PLD1: variants seen among roughly 807,000 people sequenced by gnomAD.
PLD1 encodes the protein choline phosphatase 1.
In PLD1, 112 loss-of-function variants were observed where a neutral mutation model predicts 137.1. That is an observed-to-expected ratio of 0.82 (90% CI 0.70 to 0.96). The LOEUF is 0.96. PLD1 is among the 40% of genes least tolerant of loss of function. The pLI is 0.00. For missense variants in PLD1, 1,321 were observed against 1,342.0 expected (o/e 0.98, Z 0.24); for synonymous variants, 431 against 454.7 (o/e 0.95, Z 0.66).
In PLD1 at chr3:171,692,373, AT is replaced by A; in HGVS notation, c.1296del (p.Glu432AspfsTer7). ...AGACGCATCAAAGTCCTCTTGGTGT[AT>A]TCACTATTGATGCCAAGAGCGAGTT... ...EVELALGINS[E>X]YTKRTLMRLH... On this transcript the variant is annotated frameshift_variant, in exon 13 of 27. Coordinates refer to ENST00000351298, the MANE Select transcript of PLD1 (RefSeq NM_002662.5). LOFTEE classifies it high-confidence loss of function. 1 of 1,594,674 alleles carries A rather than the reference AT, an allele frequency of 6.3e-7. No individual in the cohort carries two copies. Among genetic ancestry groups the A allele is most frequent in the Admixed American group, 1.7e-5 (1 of 60,014 alleles).
intron 9 of PLD1, among the ~76,000 whole-genome samples, chr3:171,711,798 C>G: frequency 7.8e-6 from 1 of 128,722 alleles, no homozygotes; most frequent in African/African-American, 3.2e-5. Flanking sequence ...ATCCTAAACT[C>G]TTACAGAGTT....
intron 1 of PLD1, among the ~76,000 whole-genome samples, chr3:171,771,552 C>T (rs1357065797): frequency 6.6e-6 from 1 of 152,230 alleles, no homozygotes; most frequent in Non-Finnish European, 1.5e-5. Flanking sequence ...AAAACCATAA[C>T]ACAAACTTAA....
chr3:171,809,918 G>C (rs1274975600), intron 1 of PLD1: 1 of 152,282 alleles, frequency 6.6e-6, no homozygotes, highest in Admixed American at 6.5e-5. Context: ...CGTGCTCTGC[G>C]GGCTGGGCTC....
chr3:171,718,523 G>A (rs1717847079), intron 8 of PLD1, among the ~76,000 whole-genome samples: 1 of 152,158 alleles, frequency 6.6e-6, no homozygotes, highest in Non-Finnish European at 1.5e-5. Flanking sequence ...ACAAAAAGAG[G>A]AGACTTCAGG....
At chr3:171,687,633 A>G (rs1213204494) in intron 14 of PLD1, 49 bp from the exon 15 acceptor site, 1 of 1,231,138 alleles carries the variant, frequency 8.1e-7, no homozygotes, top group Non-Finnish European at 1.2e-6. Flanking sequence ...GACATGCTGC[A>G]GTGTGGTTCT....
intron 1 of PLD1, among the ~76,000 whole-genome samples, chr3:171,761,308 T>A (rs2108307749): frequency 6.6e-6 from 1 of 152,210 alleles, no homozygotes; most frequent in East Asian, 1.9e-4. Flanking sequence ...CATCCAACAG[T>A]TAAAAGGCCT....
chr3:171,702,193 GA>G (rs1199864523), intron 11 of PLD1, among the ~76,000 whole-genome samples: 2 of 151,966 alleles, frequency 1.3e-5, no homozygotes, highest in African/African-American at 4.8e-5. Flanking sequence ...AAAAATAAAT[GA>G]CAAAAAAATG....
chr3:171,644,910 C>A lies in PLD1; in HGVS notation c.2543G>T (p.Arg848Ile), dbSNP rs1394972983. 6 of 1,585,184 alleles carry A rather than the reference C, an allele frequency of 3.8e-6. No individual in the cohort carries two copies. Among genetic ancestry groups the A allele is most frequent in the Non-Finnish European group, 8.7e-7 (1 of 1,153,640 alleles). Residue 848 changes from arginine (R) to isoleucine (I), a missense_variant and splice_region_variant, in exon 22 of 27, where the codon AGA becomes ATA. Transcript: ENST00000351298. The stretch of plus-strand genomic sequence containing the variant: ...AATAGACCATTTAGAGTTTTGGCAC[C>A]TGTAGTTGAAGTGCATGATTGCCTG... Reference protein sequence around the residue: ...ALQAIMHFNYRTMCRGENSIL... With the variant: ...ALQAIMHFNYITMCRGENSIL...
chr3:171,674,124 T>TA (rs1713082522), intron 19 of PLD1, among the ~76,000 whole-genome samples: 1 of 152,242 alleles, frequency 6.6e-6, no homozygotes, highest in African/African-American at 2.4e-5. Flanking sequence ...AATCAGGAAC[T>TA]AAAATTAGAC....
chr3:171,776,065 C>T (rs995822907), intron 1 of PLD1, among the ~76,000 whole-genome samples: 2 of 152,160 alleles, frequency 1.3e-5, no homozygotes, highest in African/African-American at 2.4e-5. Flanking sequence ...CCTTCATTTG[C>T]GTAAACAAAG....
In PLD1 at chr3:171,612,938, C is replaced by T. The variant is rs1732786186; in HGVS notation, c.2729-506G>A. Among the ~76,000 whole-genome samples, 1 of 152,144 alleles carries T rather than the reference C, an allele frequency of 6.6e-6. No individual in the cohort carries two copies. The highest frequency in any genetic ancestry group is 6.5e-5 in the Admixed American group (1 of 15,268). ...ATCCCAGTGCTTTGAGAGGCCAAGG[C>T]AGGAGGATCGCTTAAAGCCAGGAGT... On this transcript the variant is annotated intron_variant, in intron 24 of 26. Transcript: ENST00000351298. This position sits in a 1 kb window ranked among gnomAD's most constrained non-coding sequence, Gnocchi z 4.1.
intron 1 of PLD1, among the ~76,000 whole-genome samples, chr3:171,770,576 A>G (rs1364378091): frequency 6.6e-6 from 1 of 152,140 alleles, no homozygotes; most frequent in Non-Finnish European, 1.5e-5. Context: ...CGACACAAAG[A>G]AAGCAATTAT....
intron 21 of PLD1, chr3:171,654,300 CA>C (rs35731319): frequency 0.32 from 36,571 of 114,024 alleles, 2,202 homozygotes; most frequent in African/African-American, 0.41. Flanking sequence ...AAGACTGTCT[CA>C]AAAAAAAAAA....
chr3:171,734,708 G>A (rs1719219156), intron 5 of PLD1, among the ~76,000 whole-genome samples, 157 bp downstream of exon 5: 1 of 152,124 alleles, frequency 6.6e-6, no homozygotes. Context: ...GGAAAGAAGG[G>A]ACTGCCTAAC....
intron 8 of PLD1, among the ~76,000 whole-genome samples, chr3:171,722,337 A>G (rs2108234175): frequency 6.6e-6 from 1 of 152,302 alleles, no homozygotes; most frequent in East Asian, 1.9e-4. Context: ...GCACAATTTT[A>G]CTTAAGTTTT....
intron 1 of PLD1, among the ~76,000 whole-genome samples, chr3:171,795,722 T>C (rs1481308732): frequency 6.6e-6 from 1 of 152,212 alleles, no homozygotes; most frequent in African/African-American, 2.4e-5. Flanking sequence ...GTTTTACTCA[T>C]GCTATTCCCT....
chr3:171,706,178 T>C (rs1424629478), intron 11 of PLD1, among the ~76,000 whole-genome samples: 1 of 147,648 alleles, frequency 6.8e-6, no homozygotes, highest in Non-Finnish European at 1.5e-5. Flanking sequence ...ACAACTGATA[T>C]AAAAGTTTCC....
intron 1 of PLD1, among the ~76,000 whole-genome samples, chr3:171,764,910 A>C (rs1413158457): frequency 2.9e-5 from 1 of 34,910 alleles, no homozygotes; most frequent in Non-Finnish European, 6.4e-5. Context: ...GAAGGAAGGA[A>C]GGAAAGAAAG....
At chr3:171,714,090 T>C (rs1267735315) in intron 8 of PLD1, 45 bp from the exon 9 acceptor site, 10 of 1,226,226 alleles carry the variant, frequency 8.2e-6, no homozygotes, top group African/African-American at 1.5e-5. Flanking sequence ...ATTGAGTAAA[T>C]AAAACGAGAA....
Sources: allele counts gnomAD v4.1 joint callset (sites outside exome capture counted in the v4.1 genomes callset), GRCh38; gene constraint gnomAD v4.1.1; non-coding constraint Gnocchi (gnomAD v3.1); transcripts MANE v1.5; gene names NCBI Gene and HGNC (gene_info 2026-07-23, HGNC 2026-07-21).